NFIA: variants seen among roughly 807,000 people sequenced by gnomAD.
NFIA encodes nuclear factor I A.
NFIA carries 8 observed loss-of-function variants against 62.8 expected under a neutral mutation model. The observed-to-expected ratio is 0.13, with a 90% CI of 0.07 to 0.23. The LOEUF (loss-of-function observed/expected upper bound fraction) is 0.23. NFIA is among the 10% of genes least tolerant of loss of function. The probability of loss-of-function intolerance (pLI) is 1.00; values close to 1 mark genes in which losing one functional copy is unlikely to be tolerated. For missense variants in NFIA, 410 were observed against 642.1 expected, an observed-to-expected ratio of 0.64 and a Z score of 3.91; for synonymous variants, 235 against 238.1, an observed-to-expected ratio of 0.99 and a Z score of 0.12.
At chr1:61,300,762 GTT>G (rs1659456090) in intron 3 of NFIA, among the ~76,000 whole-genome samples, 1 of 151,836 alleles carries the variant, frequency 6.6e-6, no homozygotes, top group African/African-American at 2.4e-5. Flanking sequence ...GTATGTATGT[GTT>G]TATATATGTA....
At chr1:61,085,735 T>C (rs527373999) in intron 1 of NFIA, among the ~76,000 whole-genome samples, 2 of 152,180 alleles carry the variant, frequency 1.3e-5, no homozygotes, top group African/African-American at 2.4e-5. Context: ...TACAAAATAT[T>C]GTGGACTTTT....
At chr1:61,324,775 A>G (rs368243525) in intron 3 of NFIA, among the ~76,000 whole-genome samples, 2 of 152,206 alleles carry the variant, frequency 1.3e-5, no homozygotes, top group Admixed American at 6.5e-5. Flanking sequence ...GGCATTTTCC[A>G]TAATAACTGC....
intron 9 of NFIA, among the ~76,000 whole-genome samples, chr1:61,411,976 A>T (rs571600618): frequency 6.6e-6 from 1 of 152,010 alleles, no homozygotes; most frequent in Non-Finnish European, 1.5e-5. Context: ...ACCGGTTCTT[A>T]TAGGCTCTTA....
Position 61,426,515 on chromosome 1 carries a change from C to T in NFIA, c.1471C>T (p.Pro491Ser). 6.4e-7 allele frequency: 1 copy of T among 1,551,926 alleles called. No homozygotes were observed. The highest frequency in any genetic ancestry group is 1.2e-5 in the South Asian group (1 of 84,042). ...SPANRFVSVG[P>S]RDPSFVNIPQ... ...CGCAAACCGATTCGTCAGTGTTGGA[C>T]CACGGGATCCAAGCTTTGTAAATAT... Residue 491 changes from proline (P) to serine (S), a missense_variant, in exon 10 of 11, where the codon CCA (proline) becomes TCA (serine). By Grantham distance (74) the Pro-to-Ser change is moderately conservative. Coordinates refer to ENST00000403491, the MANE Select transcript of NFIA (RefSeq NM_001134673.4).
At chr1:61,382,067 A>T (rs1002686722) in intron 6 of NFIA, among the ~76,000 whole-genome samples, 1 of 152,182 alleles carries the variant, frequency 6.6e-6, no homozygotes, top group Non-Finnish European at 1.5e-5. Flanking sequence ...GTAAAATGGA[A>T]TTTGGTTCTT....
intron 1 of NFIA, among the ~76,000 whole-genome samples, 178 bp downstream of exon 1, chr1:61,082,996 G>T (rs1646143506): frequency 7.1e-6 from 1 of 140,860 alleles, no homozygotes; most frequent in East Asian, 2.5e-4. Context: ...GGGTGGGGGG[G>T]GGGATCCCGC....
At chr1:61,273,184 G>T (rs1323282255) in intron 2 of NFIA, among the ~76,000 whole-genome samples, 3 of 152,164 alleles carry the variant, frequency 2.0e-5, no homozygotes. Flanking sequence ...TTTTGAGGCA[G>T]TCTACAGGCA....
Position 61,163,340 on chromosome 1 carries a change from CTCTG to C in NFIA, c.559+74665_559+74668del, listed in dbSNP as rs374368007. 3.5e-3 allele frequency among the ~76,000 whole-genome samples: 533 copies of C among 152,184 alleles called. 2 individuals carry two copies. Among genetic ancestry groups the C allele is most frequent in the African/African-American group, 0.012 (518 of 41,514 alleles). The stretch of plus-strand genomic sequence containing the variant: ...TCTTAGAAAGACTTAGATTTGAATT[CTCTG>C]TCTGCTGCTTGTTAGCTGTGCCATT... On this transcript the variant is annotated intron_variant, in intron 2 of 10. Coordinates refer to ENST00000403491, the MANE Select transcript of NFIA (RefSeq NM_001134673.4).
At chr1:61,151,098 G>A (rs1383283464) in intron 2 of NFIA, among the ~76,000 whole-genome samples, 2 of 152,136 alleles carry the variant, frequency 1.3e-5, no homozygotes, top group Non-Finnish European at 2.9e-5. Flanking sequence ...CCTTTATCAT[G>A]GCCATTGATA....
intron 4 of NFIA, among the ~76,000 whole-genome samples, chr1:61,350,867 A>T (rs1557724865): frequency 6.6e-6 from 1 of 152,174 alleles, no homozygotes; most frequent in Non-Finnish European, 1.5e-5. Context: ...ACGTTTTCTG[A>T]GGCCATTCCC....
At chr1:61,192,052 C>T (rs920796548) in intron 2 of NFIA, among the ~76,000 whole-genome samples, 7 of 142,892 alleles carry the variant, frequency 4.9e-5, no homozygotes, top group Admixed American at 2.1e-4. Flanking sequence ...CTCCACCTCC[C>T]GGGTTCAGGC....
At chr1:61,173,898 T>TTAAG (rs1191476920) in intron 2 of NFIA, among the ~76,000 whole-genome samples, 1 of 152,096 alleles carries the variant, frequency 6.6e-6, no homozygotes, top group Admixed American at 6.6e-5. Flanking sequence ...CCTAAGAGAA[T>TTAAG]TAAGTGAGGT....
chr1:61,458,658 T>C lies in NFIA; in HGVS notation c.*3338T>C, dbSNP rs1668408370. The C allele has an allele frequency of 1.3e-5, 2 of 151,592 alleles. No homozygotes were observed. The highest frequency in any genetic ancestry group is 4.8e-5 in the African/African-American group (2 of 41,298). The allele number at this position is 151,592 out of a possible 1,614,324, so 9.4% of individuals were successfully genotyped here. A position where few individuals can be genotyped will look rare whatever the true frequency, so the allele number is the denominator to read the frequency against. ...TTCTTTTTACCCCCCCTTTGGGAAC[T>C]GGATTTAAGTTTAAAACTTTCCTGT... On this transcript the variant is annotated 3_prime_UTR_variant, in exon 11 of 11. Transcript: ENST00000403491.
At chr1:61,396,895 G>T (rs537487353) in intron 7 of NFIA, among the ~76,000 whole-genome samples, 1 of 152,000 alleles carries the variant, frequency 6.6e-6, no homozygotes, top group Non-Finnish European at 1.5e-5. Flanking sequence ...CCAGCTACTC[G>T]GGAGGCTAAG....
intron 2 of NFIA, among the ~76,000 whole-genome samples, chr1:61,096,793 T>A (rs1247515949): frequency 6.6e-6 from 1 of 150,922 alleles, no homozygotes; most frequent in East Asian, 2.0e-4. Flanking sequence ...CTTTGTGATC[T>A]GCCCACCTCG....
At chr1:61,443,289 C>A (rs1008687909) in intron 10 of NFIA, among the ~76,000 whole-genome samples, 2 of 152,140 alleles carry the variant, frequency 1.3e-5, no homozygotes, top group Admixed American at 6.5e-5. Context: ...CAGTTACAGT[C>A]CTGTTAGGAG....
At chr1:61,129,544 G>C (rs1647037658) in intron 2 of NFIA, among the ~76,000 whole-genome samples, 1 of 149,286 alleles carries the variant, frequency 6.7e-6, no homozygotes, top group East Asian at 2.0e-4. Flanking sequence ...CCATCTCCCA[G>C]ATTCAAGCGA....
At chr1:61,392,760 T>C (rs1448731236) in intron 7 of NFIA, among the ~76,000 whole-genome samples, 1 of 152,254 alleles carries the variant, frequency 6.6e-6, no homozygotes, top group East Asian at 1.9e-4. Context: ...GTGAGACCAC[T>C]TGGCTCCTTA....
chr1:61,150,203 C>T (rs1412712), intron 2 of NFIA, among the ~76,000 whole-genome samples: 3,031 of 152,340 alleles, frequency 0.02, 59 homozygotes, highest in East Asian at 0.092. Flanking sequence ...GGCTCTGCTC[C>T]ACTCAGCTCT....
Sources: allele counts gnomAD v4.1 joint callset (sites outside exome capture counted in the v4.1 genomes callset), GRCh38; gene constraint gnomAD v4.1.1; transcripts MANE v1.5; gene names NCBI Gene and HGNC (gene_info 2026-07-23, HGNC 2026-07-21).